VEPH1: variants seen among roughly 807,000 people sequenced by gnomAD.
VEPH1 encodes ventricular zone-expressed PH domain-containing protein homolog 1.
VEPH1 carries 80 observed loss-of-function variants against 85.2 expected under a neutral mutation model. The ratio of observed to expected loss-of-function variants is 0.94; its 90% CI spans 0.78 to 1.13. The LOEUF is 1.13. Among genes scored for constraint, VEPH1 ranks in the 50% most tolerant of loss-of-function variants. The pLI is 0.00. For missense variants in VEPH1, 955 were observed against 980.5 expected, an observed-to-expected ratio of 0.97 and a Z score of 0.35; for synonymous variants, 297 against 348.0, an observed-to-expected ratio of 0.85 and a Z score of 1.63.
In VEPH1 at chr3:157,309,394, C is replaced by T. The variant is rs564881597; in HGVS notation, c.2010+4227G>A. 1.4e-4 allele frequency among the ~76,000 whole-genome samples: 21 copies of T among 152,258 alleles called. No homozygotes were observed. In the East Asian group the frequency reaches 4.1e-3, roughly 29 times the overall value. The stretch of plus-strand genomic sequence containing the variant: ...TTTCTAGTTAGTAATAGTGCTCACT[C>T]ACTTTGTTCAGTGAACACATATCAC... On this transcript the variant is annotated intron_variant, in intron 11 of 13. Transcript: ENST00000362010.
At chr3:157,463,373 G>A (rs1039080421) in intron 3 of VEPH1, among the ~76,000 whole-genome samples, 5 of 152,140 alleles carry the variant, frequency 3.3e-5, no homozygotes, top group East Asian at 1.9e-4. Flanking sequence ...TAAATCATGC[G>A]TCTATATAGC....
chr3:157,430,486 A>T (rs1203790218), intron 4 of VEPH1, among the ~76,000 whole-genome samples: 1 of 152,200 alleles, frequency 6.6e-6, no homozygotes, highest in Non-Finnish European at 1.5e-5. Flanking sequence ...GAAAGACATT[A>T]TGTTGTCATT....
chr3:157,466,358 T>C (rs765522760), intron 3 of VEPH1, among the ~76,000 whole-genome samples: 6 of 152,142 alleles, frequency 3.9e-5, no homozygotes, highest in Non-Finnish European at 7.4e-5. Flanking sequence ...TAATAAAAGA[T>C]CCTCTTCATG....
intron 9 of VEPH1, among the ~76,000 whole-genome samples, chr3:157,345,540 GA>G (rs1724116723): frequency 6.6e-6 from 1 of 152,204 alleles, no homozygotes; most frequent in Non-Finnish European, 1.5e-5. Flanking sequence ...ACACATGCTG[GA>G]GAGGATGTGG....
chr3:157,384,589 C>G (rs895792955), intron 6 of VEPH1, among the ~76,000 whole-genome samples: 1 of 152,018 alleles, frequency 6.6e-6, no homozygotes, highest in Non-Finnish European at 1.5e-5. Flanking sequence ...GGGTATTTGC[C>G]GAAATCAACA....
chr3:157,388,386 G>T (rs1488010289), intron 6 of VEPH1, among the ~76,000 whole-genome samples: 1 of 152,124 alleles, frequency 6.6e-6, no homozygotes. Context: ...ATGCTTCTTT[G>T]GCTGTGAGAA....
At chr3:157,342,844 A>C (rs1258924173) in intron 9 of VEPH1, among the ~76,000 whole-genome samples, 1 of 152,254 alleles carries the variant, frequency 6.6e-6, no homozygotes, top group Non-Finnish European at 1.5e-5. Context: ...ACCACAGTGC[A>C]ATCAAACTGG....
intron 6 of VEPH1, among the ~76,000 whole-genome samples, chr3:157,391,268 A>C (rs1729828711): frequency 6.6e-6 from 1 of 152,244 alleles, no homozygotes. Context: ...CTGCCAAAGC[A>C]GCACCAAAAG....
At chr3:157,489,088 GCTT>G (rs1577797616) in intron 2 of VEPH1, 2 of 455,782 alleles carry the variant, frequency 4.4e-6, no homozygotes, top group Non-Finnish European at 8.8e-6. Context: ...CAGAACCTCT[GCTT>G]CTTCTTATCT....
intron 13 of VEPH1, among the ~76,000 whole-genome samples, chr3:157,263,956 A>G (rs1262705463): frequency 1.3e-5 from 2 of 152,150 alleles, no homozygotes; most frequent in African/African-American, 4.8e-5. Context: ...TGTCAACTTG[A>G]CTGGGCTAAT....
intron 9 of VEPH1, among the ~76,000 whole-genome samples, chr3:157,350,993 A>G (rs1404785686): frequency 6.6e-6 from 1 of 152,252 alleles, no homozygotes; most frequent in Admixed American, 6.5e-5. Context: ...GAACTACCAT[A>G]TGACACAGCA....
At chr3:157,277,121 G>T (rs1715501864) in intron 12 of VEPH1, among the ~76,000 whole-genome samples, 1 of 152,116 alleles carries the variant, frequency 6.6e-6, no homozygotes, top group Non-Finnish European at 1.5e-5. Context: ...CAACTCCTGG[G>T]ATCAAGTGAT....
intron 12 of VEPH1, among the ~76,000 whole-genome samples, chr3:157,276,334 G>A (rs1715381224): frequency 6.6e-6 from 1 of 152,216 alleles, no homozygotes; most frequent in Admixed American, 6.5e-5. Context: ...GAACTGTGTT[G>A]TGAGAACCAG....
chr3:157,404,467 G>A (rs369042193), intron 6 of VEPH1, among the ~76,000 whole-genome samples: 1 of 152,080 alleles, frequency 6.6e-6, no homozygotes, highest in Admixed American at 6.6e-5. Context: ...TCTTGGATTG[G>A]GGTTTCCAGA....
intron 5 of VEPH1, among the ~76,000 whole-genome samples, chr3:157,426,385 G>A (rs1266478982): frequency 6.6e-6 from 1 of 152,196 alleles, no homozygotes; most frequent in Non-Finnish European, 1.5e-5. Context: ...CACCTATTTG[G>A]AGATGACAGG....
rs535954277 is a variant in VEPH1 at position 157,330,707 on chromosome 3, C to A, written c.1736-13506G>T. ...TGCTCCAGCTGTAGGGATCATGGAGCCTTGTCTTGCTTATGCCAGCCCTCG... is the reference window on the plus strand; with the variant it reads ...TGCTCCAGCTGTAGGGATCATGGAGACTTGTCTTGCTTATGCCAGCCCTCG... On this transcript the variant is annotated intron_variant, in intron 9 of 13. Transcript: ENST00000362010. Among the ~76,000 whole-genome samples the A allele has an allele frequency of 1.7e-3, 258 of 152,236 alleles. 2 individuals are homozygous for A. The Middle Eastern group carries it at 0.017, about 10-fold the overall frequency.
At chr3:157,277,634 C>T (rs938296503) in intron 12 of VEPH1, among the ~76,000 whole-genome samples, 1 of 152,122 alleles carries the variant, frequency 6.6e-6, no homozygotes, top group Non-Finnish European at 1.5e-5. Flanking sequence ...GCACTGGAAG[C>T]CTTAGCAGTT....
chr3:157,438,029 G>A (rs1235107880), intron 4 of VEPH1: 2 of 844,946 alleles, frequency 2.4e-6, no homozygotes, highest in Non-Finnish European at 3.5e-6. Context: ...AAGCGCGCGC[G>A]CGCGCGCGCA....
At chr3:157,351,931 GA>G (rs1376137969) in intron 9 of VEPH1, among the ~76,000 whole-genome samples, 2 of 152,216 alleles carry the variant, frequency 1.3e-5, no homozygotes, top group Non-Finnish European at 2.9e-5. Context: ...CTGTGACAAT[GA>G]AAAATGTCCC....
Sources: allele counts gnomAD v4.1 joint callset (sites outside exome capture counted in the v4.1 genomes callset), GRCh38; gene constraint gnomAD v4.1.1; transcripts MANE v1.5; gene names NCBI Gene and HGNC (gene_info 2026-07-23, HGNC 2026-07-21).